Variants in FRMD4A observed in about 807,000 individuals in gnomAD.
FRMD4A encodes FERM domain-containing protein 4A.
Under a neutral mutation model 129.1 loss-of-function variants are expected in FRMD4A, and 29 were observed. That is an observed-to-expected ratio of 0.22 (90% CI 0.17 to 0.31). The LOEUF is 0.31. Ranked by LOEUF, FRMD4A falls within the 10% of genes least tolerant of loss-of-function variation. The probability of loss-of-function intolerance (pLI) is 1.00; values close to 1 mark genes in which losing one functional copy is unlikely to be tolerated. For synonymous variants in FRMD4A, 634 were observed against 571.6 expected, an observed-to-expected ratio of 1.11 and a Z score of -1.56; for missense variants, 1,272 against 1,375.8, an observed-to-expected ratio of 0.92 and a Z score of 1.19.
At chr10:13,701,253 G>A (rs2086804992) in intron 14 of FRMD4A, 87 bp downstream of exon 14, 2 of 1,269,654 alleles carry the variant, frequency 1.6e-6, no homozygotes, top group Non-Finnish European at 2.3e-6. Context: ...CAAGGGACAT[G>A]GCGCCTCCCC....
At chr10:13,913,158 T>C (rs2094961787) in intron 2 of FRMD4A, among the ~76,000 whole-genome samples, 1 of 151,826 alleles carries the variant, frequency 6.6e-6, no homozygotes, top group Non-Finnish European at 1.5e-5. Context: ...GGACACATTA[T>C]GCTAACTGAA....
At chr10:14,161,749 T>C (rs2177027) in intron 2 of FRMD4A, among the ~76,000 whole-genome samples, 46,757 of 152,040 alleles carry the variant, frequency 0.31, 8,181 homozygotes, top group East Asian at 0.51. Flanking sequence ...TACTGTTTGA[T>C]AGCACAGTAG....
chr10:14,053,009 C>T (rs1174112101), intron 2 of FRMD4A, among the ~76,000 whole-genome samples: 1 of 151,980 alleles, frequency 6.6e-6, no homozygotes, highest in Admixed American at 6.6e-5. Context: ...TCCAACACTG[C>T]GGATCATATT....
chr10:13,919,355 C>T (rs755816289), intron 2 of FRMD4A, among the ~76,000 whole-genome samples: 9 of 152,140 alleles, frequency 5.9e-5, no homozygotes, highest in Admixed American at 3.3e-4. Flanking sequence ...TTTCCAATTA[C>T]GTGCCCCATT....
Position 14,124,837 on chromosome 10 carries a change from A to G in FRMD4A, c.45+205221T>C, listed in dbSNP as rs192861917. On this transcript the variant is annotated intron_variant, in intron 2 of 24. Coordinates refer to ENST00000357447, the MANE Select transcript of FRMD4A (RefSeq NM_018027.5). ...TACCTTTCCTGGCCTCATTTTTCTCACCTGTAAAAAGGCATGTTTAGAGTG... is the reference window on the plus strand; with the variant it reads ...TACCTTTCCTGGCCTCATTTTTCTCGCCTGTAAAAAGGCATGTTTAGAGTG... Among the ~76,000 whole-genome samples, 292 of 152,232 alleles carry G rather than the reference A, an allele frequency of 1.9e-3. 2 individuals carry two copies. Among genetic ancestry groups the G allele is most frequent in the African/African-American group, 6.7e-3 (280 of 41,536 alleles).
Position 13,847,165 on chromosome 10 carries a change from G to C in FRMD4A, c.111+11682C>G, listed in dbSNP as rs919260063. Among the ~76,000 whole-genome samples the C allele has an allele frequency of 4.6e-5, 7 of 152,320 alleles. 1 individual carries two copies. The South Asian group carries it at 1.5e-3, about 32-fold the overall frequency. ...GATGACCCGGGTTGGAGGAGGAGTA[G>C]GAATGATGGGCTTCGGTTGCCATGA... On this transcript the variant is annotated intron_variant, in intron 3 of 24. Transcript: ENST00000357447.
At chr10:14,067,313 C>T (rs141589987) in intron 2 of FRMD4A, among the ~76,000 whole-genome samples, 2 of 151,540 alleles carry the variant, frequency 1.3e-5, no homozygotes, top group African/African-American at 2.4e-5. Flanking sequence ...GAGAGACTCC[C>T]TCTCAAAAAA....
chr10:13,707,265 C>G (rs2087554829), intron 12 of FRMD4A, 152 bp from the exon 13 acceptor site: 1 of 770,336 alleles, frequency 1.3e-6, no homozygotes, highest in Non-Finnish European at 2.0e-6. Context: ...TTGACACACA[C>G]ACACACATAC....
At chr10:14,041,750 C>T (rs1373555302) in intron 2 of FRMD4A, among the ~76,000 whole-genome samples, 2 of 152,214 alleles carry the variant, frequency 1.3e-5, no homozygotes, top group Non-Finnish European at 2.9e-5. Flanking sequence ...GAATGGACCA[C>T]TGTTGAGTTC....
At chr10:13,899,181 C>T (rs2094792451) in intron 2 of FRMD4A, among the ~76,000 whole-genome samples, 1 of 133,102 alleles carries the variant, frequency 7.5e-6, no homozygotes, top group Non-Finnish European at 1.6e-5. Flanking sequence ...ATAAAATAAG[C>T]CTGATAATAT....
At chr10:14,194,699 T>G (rs948459263) in intron 2 of FRMD4A, among the ~76,000 whole-genome samples, 1 of 152,222 alleles carries the variant, frequency 6.6e-6, no homozygotes, top group African/African-American at 2.4e-5. Context: ...GAGGATAAAC[T>G]TTCTGGAATC....
At chr10:13,956,122 T>G (rs1011924235) in intron 2 of FRMD4A, among the ~76,000 whole-genome samples, 2 of 152,210 alleles carry the variant, frequency 1.3e-5, no homozygotes, top group Non-Finnish European at 2.9e-5. Context: ...TACAGTGTGC[T>G]AAGTGATTTA....
intron 2 of FRMD4A, among the ~76,000 whole-genome samples, chr10:14,268,260 A>C (rs933731926): frequency 6.6e-6 from 1 of 152,252 alleles, no homozygotes; most frequent in Non-Finnish European, 1.5e-5. Flanking sequence ...ACTACAAAAC[A>C]AATAAAACCT....
intron 4 of FRMD4A, among the ~76,000 whole-genome samples, chr10:13,797,358 G>A (rs1468057197): frequency 6.6e-6 from 1 of 152,180 alleles, no homozygotes; most frequent in Non-Finnish European, 1.5e-5. Flanking sequence ...TACCGCCAGG[G>A]GCAGTGGCTC....
At chr10:13,833,207 G>A (rs1395698424) in intron 3 of FRMD4A, among the ~76,000 whole-genome samples, 1 of 152,152 alleles carries the variant, frequency 6.6e-6, no homozygotes. Context: ...AGAAAAAGAG[G>A]TTTAATGGAC....
intron 12 of FRMD4A, among the ~76,000 whole-genome samples, chr10:13,732,546 C>T (rs756926014): frequency 3.3e-5 from 5 of 152,186 alleles, no homozygotes; most frequent in Non-Finnish European, 5.9e-5. Context: ...GTGACAGAGC[C>T]GCTGTAACTG....
At position 13,987,269 on chromosome 10, in the gene FRMD4A, G is replaced by C. The variant is rs1324564482; in HGVS notation, c.46-128357C>G. Among the ~76,000 whole-genome samples, 5 of 152,154 alleles carry C rather than the reference G, an allele frequency of 3.3e-5. No individual in the cohort carries two copies. In the East Asian group the frequency reaches 9.7e-4, roughly 29 times the overall value. Reference sequence around the variant, plus strand: ...GCAGAGCAACTGGCCCATGGAAGGAGTTAATAAACGATCCTTCCCCCATAT... The same window carrying C: ...GCAGAGCAACTGGCCCATGGAAGGACTTAATAAACGATCCTTCCCCCATAT... On this transcript the variant is annotated intron_variant, in intron 2 of 24. Coordinates refer to ENST00000357447, the MANE Select transcript of FRMD4A (RefSeq NM_018027.5).
chr10:13,898,138 C>T (rs1026840070), intron 2 of FRMD4A, among the ~76,000 whole-genome samples: 3 of 151,978 alleles, frequency 2.0e-5, no homozygotes, highest in African/African-American at 7.2e-5. Context: ...TTTGGGAGGC[C>T]AAGGTGGACG....
intron 5 of FRMD4A, among the ~76,000 whole-genome samples, chr10:13,783,513 C>T (rs1023803998): frequency 2.0e-5 from 3 of 150,874 alleles, no homozygotes; most frequent in African/African-American, 7.3e-5. Flanking sequence ...GCTTCCTGAG[C>T]AGCTGAGACT....
Sources: allele counts gnomAD v4.1 joint callset (sites outside exome capture counted in the v4.1 genomes callset), GRCh38; gene constraint gnomAD v4.1.1; transcripts MANE v1.5; gene names NCBI Gene and HGNC (gene_info 2026-07-23, HGNC 2026-07-21).